The following FUT9 variants were observed in gnomAD, a reference collection of about 807,000 sequenced individuals.
The protein encoded by FUT9 is 4-galactosyl-N-acetylglucosaminide 3-alpha-L-fucosyltransferase 9.
Under a neutral mutation model 29.7 loss-of-function variants are expected in FUT9, and 15 were observed. The ratio of observed to expected loss-of-function variants is 0.51; its 90% CI spans 0.34 to 0.78. The LOEUF (loss-of-function observed/expected upper bound fraction) is 0.78, where lower values mean the gene tolerates loss of function less well. Among genes scored for constraint, FUT9 ranks in the 30% least tolerant of loss-of-function variants. The probability of loss-of-function intolerance (pLI) is 0.01; values close to 1 mark genes in which losing one functional copy is unlikely to be tolerated. For synonymous variants in FUT9, 169 were observed against 153.7 expected, an observed-to-expected ratio of 1.10 and a Z score of -0.74; for missense variants, 319 against 425.4, an observed-to-expected ratio of 0.75 and a Z score of 2.20.
At chr6:96,148,919 C>T (rs1465069739) in intron 2 of FUT9, among the ~76,000 whole-genome samples, 3 of 152,086 alleles carry the variant, frequency 2.0e-5, no homozygotes, top group Admixed American at 1.3e-4. Flanking sequence ...CTTTGGGAGG[C>T]AGAGGTGGGC....
At chr6:96,044,743 T>G (rs763111567) in intron 1 of FUT9, among the ~76,000 whole-genome samples, 1 of 152,218 alleles carries the variant, frequency 6.6e-6, no homozygotes, top group African/African-American at 2.4e-5. Flanking sequence ...AAATACTCTT[T>G]TTAATTCCCT....
intron 2 of FUT9, among the ~76,000 whole-genome samples, chr6:96,121,016 C>A (rs1772018083): frequency 6.6e-6 from 1 of 152,102 alleles, no homozygotes; most frequent in African/African-American, 2.4e-5. Flanking sequence ...ACCTAAGGAA[C>A]ATAGTTGGTA....
intron 1 of FUT9, among the ~76,000 whole-genome samples, chr6:96,111,108 G>A (rs1771797997): frequency 6.6e-6 from 1 of 152,066 alleles, no homozygotes; most frequent in Admixed American, 6.5e-5. Flanking sequence ...TAAGCATCTG[G>A]GTCTTGGCAA....
At chr6:96,142,526 A>G (rs901041556) in intron 2 of FUT9, among the ~76,000 whole-genome samples, 1 of 152,192 alleles carries the variant, frequency 6.6e-6, no homozygotes, top group Admixed American at 6.5e-5. Flanking sequence ...ATGAAGTGCT[A>G]TTCAAAGGTT....
chr6:96,059,662 T>A (rs1329180420), intron 1 of FUT9, among the ~76,000 whole-genome samples: 1 of 152,216 alleles, frequency 6.6e-6, no homozygotes, highest in Non-Finnish European at 1.5e-5. Context: ...CATTTCTAAC[T>A]GGTGTTACCT....
At chr6:96,031,895 T>C (rs1423847564) in intron 1 of FUT9, among the ~76,000 whole-genome samples, 2 of 151,546 alleles carry the variant, frequency 1.3e-5, no homozygotes, top group African/African-American at 2.4e-5. Flanking sequence ...TGAGAAACAC[T>C]CATTCCCAGG....
In FUT9 at chr6:96,035,794, AC is replaced by A. The variant is rs1365593879; in HGVS notation, c.-98+19583del. 3.8e-3 allele frequency among the ~76,000 whole-genome samples: 370 copies of A among 97,916 alleles called. 1 individual carries two copies. Among genetic ancestry groups the A allele is most frequent in the African/African-American group, 0.013 (358 of 28,308 alleles). 64.2% of individuals were successfully genotyped at this position (97,916 alleles called of 152,430 possible). ...AAATATAATATAATTTATTTATTATACTAATATAATATAATACATATAATAT... is the reference window on the plus strand; with the variant it reads ...AAATATAATATAATTTATTTATTATATAATATAATATAATACATATAATAT... On this transcript the variant is annotated intron_variant, in intron 1 of 2. Transcript: ENST00000302103.
intron 1 of FUT9, among the ~76,000 whole-genome samples, chr6:96,048,220 T>G (rs1463283466): frequency 5.9e-5 from 9 of 152,058 alleles, no homozygotes; most frequent in Non-Finnish European, 1.2e-4. Context: ...GATCTTAAGG[T>G]TTTTAACTTA....
rs559267775 is a variant in FUT9, at chr6:96,204,362, C to T, written c.*127C>T. The T allele has an allele frequency of 6.6e-5, 40 of 605,564 alleles. No homozygotes were observed. Among genetic ancestry groups the T allele is most frequent in the African/African-American group, 2.5e-4 (13 of 52,758 alleles). 37.5% of individuals were successfully genotyped at this position (605,564 alleles called of 1,614,324 possible). On this transcript the variant is annotated 3_prime_UTR_variant, in exon 3 of 3. Coordinates refer to ENST00000302103, the MANE Select transcript of FUT9 (RefSeq NM_006581.4). Reference sequence around the variant, plus strand: ...ATTTTTATCACCCTCTCTAGGGTAACGTGTATATTTTGGTGGAGATTTTTA... The same window carrying T: ...ATTTTTATCACCCTCTCTAGGGTAATGTGTATATTTTGGTGGAGATTTTTA...
intron 2 of FUT9, among the ~76,000 whole-genome samples, chr6:96,197,373 G>A (rs1457031264): frequency 1.3e-5 from 2 of 152,094 alleles, no homozygotes; most frequent in Non-Finnish European, 2.9e-5. Context: ...TTATATCTAA[G>A]GATCTTTGAG....
rs142245422 is a variant in FUT9, at chr6:96,032,968, G to A, written c.-98+16756G>A. On this transcript the variant is annotated intron_variant, in intron 1 of 2. Coordinates refer to ENST00000302103, the MANE Select transcript of FUT9 (RefSeq NM_006581.4). The stretch of plus-strand genomic sequence containing the variant: ...GCCAGATTTGCATCCTGTTCAACTC[G>A]GCATGACGGTTTTTGACGGTTTTTT... Among the ~76,000 whole-genome samples the A allele has an allele frequency of 1.5e-4, 22 of 151,666 alleles. No homozygotes were observed. The South Asian group carries it at 1.9e-3, about 13-fold the overall frequency.
chr6:96,175,913 G>T lies in FUT9; in HGVS notation c.-8-27235G>T, dbSNP rs947757754. Among the ~76,000 whole-genome samples the T allele has an allele frequency of 3.9e-5, 6 of 152,214 alleles. No individual in the cohort carries two copies. In the East Asian group the frequency reaches 1.2e-3, roughly 29 times the overall value. Reference sequence around the variant, plus strand: ...GACTGGCTTTTCATCAATGGATTCAGTAAGGAAGATCTGCTCTCACCAACG... The same window carrying T: ...GACTGGCTTTTCATCAATGGATTCATTAAGGAAGATCTGCTCTCACCAACG... On this transcript the variant is annotated intron_variant, in intron 2 of 2. Coordinates refer to ENST00000302103, the MANE Select transcript of FUT9 (RefSeq NM_006581.4).
At chr6:96,042,576 A>G (rs1314136828) in intron 1 of FUT9, among the ~76,000 whole-genome samples, 1 of 152,170 alleles carries the variant, frequency 6.6e-6, no homozygotes, top group Non-Finnish European at 1.5e-5. Flanking sequence ...TCCAGCATGC[A>G]TATTATAAAC....
chr6:96,052,153 A>T (rs917916172), intron 1 of FUT9, among the ~76,000 whole-genome samples: 34 of 152,266 alleles, frequency 2.2e-4, no homozygotes, highest in African/African-American at 8.2e-4. Context: ...CAAAAGGGGG[A>T]AAACCCCTTA....
chr6:96,076,654 A>G (rs1438069837), intron 1 of FUT9, among the ~76,000 whole-genome samples: 1 of 152,196 alleles, frequency 6.6e-6, no homozygotes, highest in Non-Finnish European at 1.5e-5. Context: ...TCAATGTATT[A>G]TACTGTTTGA....
chr6:96,035,980 T>C (rs1244345131), intron 1 of FUT9, among the ~76,000 whole-genome samples: 7 of 77,024 alleles, frequency 9.1e-5, no homozygotes, highest in African/African-American at 3.2e-4. Context: ...TAATACATTA[T>C]GTTTATTATA....
At chr6:96,045,560 C>A (rs544206198) in intron 1 of FUT9, among the ~76,000 whole-genome samples, 1 of 152,074 alleles carries the variant, frequency 6.6e-6, no homozygotes, top group Non-Finnish European at 1.5e-5. Flanking sequence ...CCTAAGTATC[C>A]CAAGACTGAC....
At chr6:96,196,897 C>T (rs1404500810) in intron 2 of FUT9, among the ~76,000 whole-genome samples, 1 of 151,954 alleles carries the variant, frequency 6.6e-6, no homozygotes, top group East Asian at 1.9e-4. Context: ...AGTTCTTACA[C>T]GGAAAGATGG....
At chr6:96,110,808 A>T (rs1361053894) in intron 1 of FUT9, among the ~76,000 whole-genome samples, 1 of 13,108 alleles carries the variant, frequency 7.6e-5, no homozygotes, top group Non-Finnish European at 3.8e-4. Context: ...GGTATGCACA[A>T]ATGTGCCTAT....
Sources: allele counts gnomAD v4.1 joint callset (sites outside exome capture counted in the v4.1 genomes callset), GRCh38; gene constraint gnomAD v4.1.1; transcripts MANE v1.5; gene names NCBI Gene and HGNC (gene_info 2026-07-23, HGNC 2026-07-21).